EYA1: variants seen among roughly 807,000 people sequenced by gnomAD.
EYA1 encodes the protein protein phosphatase EYA1.
A neutral mutation model predicts 82.0 loss-of-function variants in EYA1; 16 were observed. The ratio of observed to expected loss-of-function variants is 0.20; its 90% confidence interval spans 0.13 to 0.30. The LOEUF is 0.30. Ranked by LOEUF, EYA1 falls within the 10% of genes least tolerant of loss-of-function variation. The pLI, the probability that EYA1 is intolerant of heterozygous loss-of-function variation, is 1.00. For missense variants in EYA1, 633 were observed against 730.7 expected (o/e 0.87, Z 1.54); for synonymous variants, 261 against 264.4 (o/e 0.99, Z 0.12).
intron 2 of EYA1, among the ~76,000 whole-genome samples, chr8:71,531,699 T>C (rs907379579): frequency 5.9e-5 from 9 of 152,106 alleles, no homozygotes; most frequent in African/African-American, 2.2e-4. Flanking sequence ...GTATCAGCAG[T>C]TCCACTGCCA....
intron 2 of EYA1, among the ~76,000 whole-genome samples, chr8:71,368,497 CA>C (rs375239711): frequency 4.1e-5 from 6 of 147,704 alleles, no homozygotes; most frequent in South Asian, 2.1e-4. Context: ...AAAACAAAAG[CA>C]AAAAAAAAGA....
At chr8:71,251,012 A>G (rs1238188319) in intron 11 of EYA1, among the ~76,000 whole-genome samples, 1 of 152,248 alleles carries the variant, frequency 6.6e-6, no homozygotes, top group Non-Finnish European at 1.5e-5. Flanking sequence ...TACATAAGAT[A>G]GTATTAAACA....
At chr8:71,207,443 G>A (rs1175787997) in intron 17 of EYA1, among the ~76,000 whole-genome samples, 2 of 152,148 alleles carry the variant, frequency 1.3e-5, no homozygotes, top group Non-Finnish European at 2.9e-5. Context: ...ATTAGAAATC[G>A]AGATATTGTG....
At chr8:71,296,771 T>C (rs1819646882) in intron 9 of EYA1, among the ~76,000 whole-genome samples, 1 of 152,136 alleles carries the variant, frequency 6.6e-6, no homozygotes, top group African/African-American at 2.4e-5. Context: ...TTCTGTTTTA[T>C]GTACTTTACC....
At chr8:71,385,070 C>T (rs536680170) in intron 2 of EYA1, among the ~76,000 whole-genome samples, 7 of 151,832 alleles carry the variant, frequency 4.6e-5, no homozygotes, top group South Asian at 2.1e-4. Context: ...AGTGCAGTGG[C>T]GTAATCTTGG....
At chr8:71,251,473 T>C (rs561980995) in intron 11 of EYA1, among the ~76,000 whole-genome samples, 1 of 152,304 alleles carries the variant, frequency 6.6e-6, no homozygotes, top group Non-Finnish European at 1.5e-5. Flanking sequence ...TATTTGGATA[T>C]GATATTAAAT....
chr8:71,271,429 T>A (rs1816517770), intron 10 of EYA1, among the ~76,000 whole-genome samples: 1 of 152,212 alleles, frequency 6.6e-6, no homozygotes, highest in Admixed American at 6.5e-5. Flanking sequence ...TACCAAGTAT[T>A]TTTAGTATGA....
At chr8:71,503,472 CAA>C (rs375914271) in intron 2 of EYA1, among the ~76,000 whole-genome samples, 1 of 136,432 alleles carries the variant, frequency 7.3e-6, no homozygotes, top group Non-Finnish European at 1.6e-5. Flanking sequence ...GACTCCATCT[CAA>C]AAAAAAAAAA....
At position 71,199,535 on chromosome 8, in the gene EYA1, G is replaced by GCTAA. The variant is rs546279077; in HGVS notation, c.1699-119_1699-116dup. On this transcript the variant is annotated intron_variant, in intron 17 of 17. Coordinates refer to ENST00000340726, the MANE Select transcript of EYA1 (RefSeq NM_000503.6). ...CATTTTCAGTATCATTGAAATGCCA[G>GCTAA]CTAACATCTTAACATCACATCTGTT... The GCTAA allele has an allele frequency of 1.3e-3, 913 of 719,150 alleles. 2 individuals are homozygous for GCTAA. The highest frequency in any genetic ancestry group is 1.7e-3 in the East Asian group (64 of 37,204). The allele number at this position is 719,150 out of a possible 1,614,324, so 44.5% of individuals were successfully genotyped here.
chr8:71,216,119 T>C (rs564708504), intron 14 of EYA1, among the ~76,000 whole-genome samples: 1 of 152,320 alleles, frequency 6.6e-6, no homozygotes, highest in East Asian at 1.9e-4. Flanking sequence ...CTGGATCTAC[T>C]GGTGGTCATT....
At chr8:71,343,055 C>G (rs1489254293) in intron 3 of EYA1, among the ~76,000 whole-genome samples, 1 of 152,100 alleles carries the variant, frequency 6.6e-6, no homozygotes, top group African/African-American at 2.4e-5. Context: ...GAAAATGTTA[C>G]ATTTTGTTTT....
At position 71,299,067 on chromosome 8, in the gene EYA1, G is replaced by T. The variant is rs368165352; in HGVS notation, c.806C>A (p.Ala269Glu). Reference sequence around the variant, plus strand: ...ATTACCTGCTGTGGGATCTGTAACTGCTTGGCTGGTGATGCCAGATGGCGG... The same window carrying T: ...ATTACCTGCTGTGGGATCTGTAACTTCTTGGCTGGTGATGCCAGATGGCGG... ...QEPPSGITSQ[A>E]VTDPTAEYST... Residue 269 changes from alanine to glutamate, a missense_variant, in exon 9 of 18, where the codon GCA becomes GAA. Transcript: ENST00000340726. 9.9e-6 allele frequency: 16 copies of T among 1,613,902 alleles called. No individual in the cohort carries two copies. Among genetic ancestry groups the T allele is most frequent in the African/African-American group, 1.3e-5 (1 of 74,920 alleles).
intron 2 of EYA1, among the ~76,000 whole-genome samples, chr8:71,508,283 C>A (rs550651199): frequency 2.4e-4 from 37 of 152,206 alleles, no homozygotes; most frequent in African/African-American, 8.9e-4. Context: ...GGTTTTGTTG[C>A]TGTTGTTTTT....
intron 1 of EYA1, 69 bp from the exon 2 acceptor site, chr8:71,356,580 G>T (rs530436599): frequency 6.6e-7 from 1 of 1,521,152 alleles, no homozygotes; most frequent in Non-Finnish European, 8.8e-7. Context: ...TAATTATACA[G>T]AGCACATGGC....
chr8:71,490,381 G>T (rs527698805), intron 2 of EYA1, among the ~76,000 whole-genome samples: 2 of 152,246 alleles, frequency 1.3e-5, no homozygotes. Flanking sequence ...TGCTGAAATA[G>T]TTATTTCAGA....
chr8:71,305,328 C>T lies in EYA1; in HGVS notation c.557-5608G>A, dbSNP rs540792127. ...AAGTAGAAAGAATTCCCATTATAACCCATTATTTCTCAATCAATAAGTTTG... is the reference window on the plus strand; with the variant it reads ...AAGTAGAAAGAATTCCCATTATAACTCATTATTTCTCAATCAATAAGTTTG... On this transcript the variant is annotated intron_variant, in intron 7 of 17. Transcript: ENST00000340726. Among the ~76,000 whole-genome samples, 11 of 142,126 alleles carry T rather than the reference C, an allele frequency of 7.7e-5. 2 individuals carry two copies. In the South Asian group the frequency reaches 2.5e-3, roughly 32 times the overall value. 93.2% of individuals were successfully genotyped at this position (142,126 alleles called of 152,430 possible). A position where few individuals can be genotyped will look rare whatever the true frequency, so the allele number is the denominator to read the frequency against.
intron 2 of EYA1, among the ~76,000 whole-genome samples, chr8:71,376,480 G>T (rs1288345627): frequency 6.6e-6 from 1 of 152,196 alleles, no homozygotes; most frequent in South Asian, 2.1e-4. Flanking sequence ...GAAGGCCGCT[G>T]TGTGGAGGAT....
chr8:71,325,360 AC>A (rs917719419), intron 4 of EYA1, among the ~76,000 whole-genome samples: 99 of 152,058 alleles, frequency 6.5e-4, no homozygotes, highest in Non-Finnish European at 8.7e-4. Context: ...GCAATGTAGC[AC>A]CCCCAACATT....
intron 2 of EYA1, among the ~76,000 whole-genome samples, chr8:71,458,377 G>A (rs73298360): frequency 3.8e-4 from 57 of 151,960 alleles, no homozygotes; most frequent in African/African-American, 1.4e-3. Flanking sequence ...AATCCTCTGT[G>A]TGTATGTAGA....
Sources: gnomAD v4.1 joint callset for allele counts (sites outside exome capture counted in the v4.1 genomes callset) on GRCh38, gnomAD v4.1.1 for gene constraint, MANE v1.5 for transcripts, NCBI Gene and HGNC (gene_info 2026-07-23, HGNC 2026-07-21) for gene names.